HGD: variants seen among roughly 807,000 people sequenced by gnomAD.
HGD encodes homogentisate 1,2-dioxygenase, also known as homogentisate oxidase.
In HGD, 61 loss-of-function variants were observed where a neutral mutation model predicts 60.8. The ratio of observed to expected loss-of-function variants is 1.00; its 90% CI spans 0.82 to 1.24. HGD has a LOEUF of 1.24. Ranked by LOEUF, HGD falls within the 50% of genes most tolerant of loss-of-function variation. HGD has a pLI of 0.00. For synonymous variants in HGD, 212 were observed against 187.7 expected, an observed-to-expected ratio of 1.13 and a Z score of -1.06; for missense variants, 542 against 547.1, an observed-to-expected ratio of 0.99 and a Z score of 0.09.
rs756222568 is a variant in HGD, at chr3:120,633,271, C to T, written c.1064G>A (p.Gly355Asp). 6.2e-7 allele frequency: 1 copy of T among 1,614,052 alleles called. No individual in the cohort carries two copies. The highest frequency in any genetic ancestry group is 1.7e-5 in the Admixed American group (1 of 60,004). Residue 355 changes from glycine to aspartate, a missense_variant, in exon 13 of 14, where the codon GGT (glycine) becomes GAT (aspartate). By Grantham distance (94) the Gly-to-Asp change is moderately conservative. Transcript: ENST00000283871. ...ACTCCCTCCCCCTGGCAGGAACCCA[C>T]CTTGCTTTGCCTCATAGTGACCTCG... ...LIRGHYEAKQGGFLPGGGSLH... is the reference protein window; with the variant it reads ...LIRGHYEAKQDGFLPGGGSLH...
chr3:120,638,318 G>T, intron 12 of HGD, 137 bp downstream of exon 12: 1 of 1,033,178 alleles, frequency 9.7e-7, no homozygotes, highest in Non-Finnish European at 1.5e-6. Context: ...TCAGCACTAG[G>T]CCTTGTGCAG....
intron 4 of HGD, among the ~76,000 whole-genome samples, chr3:120,659,946 G>GGA (rs1340044158): frequency 1.3e-5 from 2 of 151,570 alleles, no homozygotes; most frequent in Non-Finnish European, 2.9e-5. Flanking sequence ...GAGAGAGTGG[G>GGA]GGGTGGTTGC....
At chr3:120,653,976 C>A (rs1443460256) in intron 4 of HGD, among the ~76,000 whole-genome samples, 2 of 152,166 alleles carry the variant, frequency 1.3e-5, no homozygotes, top group African/African-American at 4.8e-5. Flanking sequence ...CCAAACATCA[C>A]TTGGGGGAAA....
intron 3 of HGD, among the ~76,000 whole-genome samples, chr3:120,673,550 C>T (rs1708066577): frequency 6.6e-6 from 1 of 152,070 alleles, no homozygotes; most frequent in East Asian, 1.9e-4. Context: ...GGAATTATCC[C>T]CTGATTTTTG....
chr3:120,673,483 CT>C (rs1304350398), intron 3 of HGD, among the ~76,000 whole-genome samples: 21 of 150,364 alleles, frequency 1.4e-4, no homozygotes, highest in Non-Finnish European at 2.2e-4. Context: ...TATCTGCGTG[CT>C]TATCTTACCC....
At chr3:120,630,075 A>G (rs1482885058) in intron 13 of HGD, among the ~76,000 whole-genome samples, 2 of 152,228 alleles carry the variant, frequency 1.3e-5, no homozygotes, top group African/African-American at 4.8e-5. Context: ...CAGAGAGGTG[A>G]AAGGTCTCTA....
intron 12 of HGD, chr3:120,633,611 G>T (rs1006746231): frequency 5.8e-6 from 8 of 1,373,370 alleles, no homozygotes; most frequent in Non-Finnish European, 7.7e-6. Flanking sequence ...TCAGGGCCCA[G>T]AGAAGATAAT....
At chr3:120,650,484 G>A (rs1432223005) in intron 6 of HGD, among the ~76,000 whole-genome samples, 2 of 152,180 alleles carry the variant, frequency 1.3e-5, no homozygotes, top group Non-Finnish European at 2.9e-5. Context: ...AAGTCAAAAT[G>A]CCTTTCGATC....
At chr3:120,671,588 C>G (rs976429552) in intron 3 of HGD, among the ~76,000 whole-genome samples, 2 of 152,160 alleles carry the variant, frequency 1.3e-5, no homozygotes, top group Non-Finnish European at 2.9e-5. Flanking sequence ...GGTGATTCCT[C>G]AAAGACCTAC....
chr3:120,651,389 G>A (rs1046413154), intron 5 of HGD, among the ~76,000 whole-genome samples: 3 of 152,198 alleles, frequency 2.0e-5, no homozygotes, highest in Non-Finnish European at 2.9e-5. Flanking sequence ...ATGATCCATA[G>A]TGCAAGAAAC....
At chr3:120,639,578 G>A (rs1204107519) in intron 11 of HGD, among the ~76,000 whole-genome samples, 1 of 152,180 alleles carries the variant, frequency 6.6e-6, no homozygotes, top group East Asian at 1.9e-4. Context: ...AACGGTGCCT[G>A]CTTCTCAACC....
chr3:120,649,193 A>C (rs368778048), intron 6 of HGD, among the ~76,000 whole-genome samples: 162 of 120,824 alleles, frequency 1.3e-3, no homozygotes, highest in African/African-American at 5.2e-3. Flanking sequence ...TCCGGGCTGG[A>C]GTGCAATGGC....
intron 4 of HGD, among the ~76,000 whole-genome samples, chr3:120,655,667 T>C (rs898888230): frequency 7.9e-5 from 12 of 152,162 alleles, no homozygotes; most frequent in African/African-American, 2.9e-4. Context: ...ATGGAGTGCA[T>C]GGTACAAACA....
At chr3:120,681,954 A>C (rs572525926) in intron 1 of HGD, 143 bp downstream of exon 1, 1 of 783,670 alleles carries the variant, frequency 1.3e-6, no homozygotes, top group South Asian at 1.4e-5. Flanking sequence ...GTGCCCACAG[A>C]CACCACAGGG....
At chr3:120,675,168 A>T (rs1708102216) in intron 2 of HGD, among the ~76,000 whole-genome samples, 179 bp from the exon 3 acceptor site, 1 of 152,148 alleles carries the variant, frequency 6.6e-6, no homozygotes, top group Admixed American at 6.6e-5. Context: ...TAAAAGTAAT[A>T]TATATTTATT....
At chr3:120,641,877 C>T (rs531897834) in intron 10 of HGD, 184 bp from the exon 11 acceptor site, 78 of 620,412 alleles carry the variant, frequency 1.3e-4, no homozygotes, top group South Asian at 8.1e-4. Context: ...ACACCCTCTA[C>T]TTAGCCACTA....
chr3:120,633,356 T>C, intron 12 of HGD, 28 bp from the exon 13 acceptor site: 1 of 1,614,156 alleles, frequency 6.2e-7, no homozygotes, highest in Non-Finnish European at 8.5e-7. Flanking sequence ...GTATTATTTT[T>C]ATTATCCAAG....
Position 120,641,690 on chromosome 3 carries a change from C to T in HGD, c.778G>A (p.Val260Ile). ...QGKLFAAKQD[V>I]SPFNVVAWHG... ...CAGGCCACAACATTGAACGGGGAGA[C>T]ATCCTAAACACAAAAAGCAGGAAAG... The change falls in exon 11 of 14, where the codon GTC becomes ATC. Residue 260 changes from valine to isoleucine, a missense_variant. Physicochemically the swap from Val to Ile is conservative, Grantham distance 29. This residue lies in a region of HGD where 537 missense variants were observed against 529.1 expected (regional missense o/e 1.01). Coordinates refer to ENST00000283871, the MANE Select transcript of HGD (RefSeq NM_000187.4). 1 of 1,605,340 alleles carries T rather than the reference C, an allele frequency of 6.2e-7. No homozygotes were observed. Among genetic ancestry groups the T allele is most frequent in the Admixed American group, 1.7e-5 (1 of 60,010 alleles).
chr3:120,633,728 A>G (rs1940666588), intron 12 of HGD: 3 of 572,510 alleles, frequency 5.2e-6, no homozygotes, highest in South Asian at 1.7e-5. Context: ...CCCTTTCCCA[A>G]GTAGCTCCAC....
Sources: gnomAD v4.1 joint callset for allele counts (sites outside exome capture counted in the v4.1 genomes callset) on GRCh38, gnomAD v4.1.1 for gene constraint, gnomAD v4.1.1 regional missense constraint, MANE v1.5 for transcripts, NCBI Gene and HGNC (gene_info 2026-07-23, HGNC 2026-07-21) for gene names.